Variants in ZNF184 observed in about 807,000 individuals in gnomAD.
The protein encoded by ZNF184 is zinc finger protein 184.
ZNF184 carries 16 observed loss-of-function variants against 54.4 expected under a neutral mutation model. The ratio of observed to expected loss-of-function variants is 0.29; its 90% CI spans 0.20 to 0.45. The LOEUF (loss-of-function observed/expected upper bound fraction) is 0.45, where lower values mean the gene tolerates loss of function less well. Ranked by LOEUF, ZNF184 falls within the 20% of genes least tolerant of loss-of-function variation. ZNF184 has a pLI of 1.00. For missense variants in ZNF184, 681 were observed against 888.2 expected (o/e 0.77, Z 2.97); for synonymous variants, 254 against 295.3 (o/e 0.86, Z 1.43).
chr6:27,444,347 G>A, the ZNF184 span, among the ~76,000 whole-genome samples: 4 of 151,952 alleles, frequency 2.6e-5, no homozygotes, highest in African/African-American at 9.7e-5. Flanking sequence ...TCTGCTTGTG[G>A]CCTGAAGCTC....
chr6:27,421,296 A>G, the ZNF184 span, among the ~76,000 whole-genome samples: 2 of 152,248 alleles, frequency 1.3e-5, no homozygotes, highest in Non-Finnish European at 1.5e-5. Context: ...CATTGAAGGA[A>G]GTTGATAATG....
At chr6:27,463,288 A>G (rs997691510) in intron 3 of ZNF184, among the ~76,000 whole-genome samples, 2 of 151,838 alleles carry the variant, frequency 1.3e-5, no homozygotes, top group African/African-American at 4.8e-5. Context: ...TAATAAAGAA[A>G]AAAAAAAAAC....
chr6:27,452,963 G>GATGGTTC lies in ZNF184; in HGVS notation c.589_595dup (p.Ser199Ter). 6.2e-7 allele frequency: 1 copy of GATGGTTC among 1,614,176 alleles called. No individual in the cohort carries two copies. The highest frequency in any genetic ancestry group is 8.5e-7 in the Non-Finnish European group (1 of 1,180,028). On this transcript the variant is annotated stop_gained and frameshift_variant, in exon 6 of 6. Coordinates refer to ENST00000683788, the MANE Select transcript of ZNF184 (RefSeq NM_001318891.2). LOFTEE classifies it high-confidence loss of function. This position sits in a 1 kb window ranked among gnomAD's most constrained non-coding sequence, Gnocchi z 5.5. Reference sequence around the variant, plus strand: ...TCTTTTAGTAGAGGTCTCTTCTGGAGATGGTTCTTGTGTTACAAGGTTTGA... The same window carrying GATGGTTC: ...TCTTTTAGTAGAGGTCTCTTCTGGAGATGGTTCATGGTTCTTGTGTTACAAGGTTTGA...
At chr6:27,444,242 C>T in the ZNF184 span, among the ~76,000 whole-genome samples, 397 of 152,214 alleles carry the variant, frequency 2.6e-3, 1 homozygote, top group South Asian at 0.013. Flanking sequence ...CCACATCCAT[C>T]CTCCACCAAC....
chr6:27,466,076 T>C (rs776272514), intron 3 of ZNF184, among the ~76,000 whole-genome samples: 1 of 152,158 alleles, frequency 6.6e-6, no homozygotes, highest in Non-Finnish European at 1.5e-5. Flanking sequence ...CAAGGGTCTT[T>C]ATAAGAGGGA....
the ZNF184 span, among the ~76,000 whole-genome samples, chr6:27,426,687 TAGTC>T: frequency 2.0e-5 from 3 of 152,248 alleles, no homozygotes; most frequent in African/African-American, 4.8e-5. The surrounding 1 kb of genome is among the most constrained non-coding windows in gnomAD (Gnocchi z 4.2). Context: ...CACACGCTAT[TAGTC>T]AGCAAGCTAA....
At chr6:27,407,470 G>A in the ZNF184 span, among the ~76,000 whole-genome samples, 106 of 152,314 alleles carry the variant, frequency 7.0e-4, no homozygotes, top group Non-Finnish European at 1.3e-3. Context: ...CCTTACAGGG[G>A]CCAGTAGCTT....
At chr6:27,458,083 A>G (rs1171287472) in intron 3 of ZNF184, among the ~76,000 whole-genome samples, 4 of 152,096 alleles carry the variant, frequency 2.6e-5, no homozygotes, top group Admixed American at 1.3e-4. Flanking sequence ...TTCACAACAC[A>G]CACAAAAATT....
At chr6:27,434,083 C>A in the ZNF184 span, among the ~76,000 whole-genome samples, 2 of 151,608 alleles carry the variant, frequency 1.3e-5, no homozygotes, top group African/African-American at 4.9e-5. Flanking sequence ...TGCAGTGGTG[C>A]AACCATAGCT....
At chr6:27,465,157 G>T in intron 3 of ZNF184, among the ~76,000 whole-genome samples, 1 of 84,084 alleles carries the variant, frequency 1.2e-5, no homozygotes, top group East Asian at 2.7e-4. Flanking sequence ...ATAAAGTTCT[G>T]TTATTTAAAA....
At chr6:27,415,977 C>T in the ZNF184 span, among the ~76,000 whole-genome samples, 17 of 152,236 alleles carry the variant, frequency 1.1e-4, no homozygotes, top group East Asian at 5.8e-4. Context: ...TGTTCCAGAC[C>T]TCTCTCCTAG....
At chr6:27,469,583 G>A (rs1171038484) in intron 2 of ZNF184, among the ~76,000 whole-genome samples, 1 of 152,022 alleles carries the variant, frequency 6.6e-6, no homozygotes, top group Non-Finnish European at 1.5e-5. Context: ...GGAGGTTGCA[G>A]TGAGCCGAAA....
At chr6:27,413,454 T>C in the ZNF184 span, among the ~76,000 whole-genome samples, 1 of 152,224 alleles carries the variant, frequency 6.6e-6, no homozygotes, top group Non-Finnish European at 1.5e-5. Context: ...TTTTTAATTA[T>C]GACAAATTTA....
At chr6:27,446,049 G>A (rs1244078927), downstream of ZNF184, among the ~76,000 whole-genome samples, 1 of 152,162 alleles carries the variant, frequency 6.6e-6, no homozygotes. Context: ...GAAATATTTG[G>A]AAAATGTATA....
At chr6:27,457,001 T>G in intron 4 of ZNF184, 80 bp from the exon 5 acceptor site, 1 of 1,330,588 alleles carries the variant, frequency 7.5e-7, no homozygotes, top group South Asian at 1.2e-5. Flanking sequence ...ACTTTGTCTT[T>G]AGAAGAAATG....
At chr6:27,471,024 G>A (rs1763262055) in intron 2 of ZNF184, among the ~76,000 whole-genome samples, 1 of 152,070 alleles carries the variant, frequency 6.6e-6, no homozygotes, top group Non-Finnish European at 1.5e-5. Flanking sequence ...GACTTCTAAT[G>A]ATATTATCTT....
the ZNF184 span, among the ~76,000 whole-genome samples, chr6:27,442,039 C>T: frequency 2.6e-5 from 4 of 152,178 alleles, no homozygotes; most frequent in Non-Finnish European, 4.4e-5. Flanking sequence ...GCTAAAATAA[C>T]CTGATAGAGA....
the ZNF184 span, among the ~76,000 whole-genome samples, chr6:27,414,880 G>T: frequency 2.0e-5 from 3 of 152,020 alleles, no homozygotes; most frequent in Non-Finnish European, 4.4e-5. Flanking sequence ...TTACCCTTTG[G>T]AAGTGAGTAA....
the ZNF184 span, among the ~76,000 whole-genome samples, chr6:27,409,713 A>G: frequency 0.036 from 5,431 of 152,210 alleles, 203 homozygotes; most frequent in African/African-American, 0.095. Flanking sequence ...GTAAGTTAAG[A>G]TTAATTATTG....
Sources: allele counts gnomAD v4.1 joint callset (sites outside exome capture counted in the v4.1 genomes callset), GRCh38; gene constraint gnomAD v4.1.1; non-coding constraint Gnocchi (gnomAD v3.1); transcripts MANE v1.5; gene names NCBI Gene and HGNC (gene_info 2026-07-23, HGNC 2026-07-21).